The following SPATA31H1 variants were observed in gnomAD, a reference collection of about 807,000 sequenced individuals.
The protein encoded by SPATA31H1 is SPATA31 subfamily H member 1.
chr2:27,567,150 A>G, the SPATA31H1 span: 5 of 673,216 alleles, frequency 7.4e-6, no homozygotes, highest in African/African-American at 5.5e-5. Context: ...ACAAAAAAGG[A>G]AAAAAAATGA....
the SPATA31H1 span, among the ~76,000 whole-genome samples, chr2:27,559,864 T>A: frequency 3.3e-5 from 5 of 152,054 alleles, no homozygotes; most frequent in East Asian, 1.9e-4. Flanking sequence ...TTATTTATTT[T>A]TTTTCTTTTT....
the SPATA31H1 span, among the ~76,000 whole-genome samples, chr2:27,547,937 A>G: frequency 1.3e-5 from 2 of 151,624 alleles, no homozygotes; most frequent in African/African-American, 4.9e-5. Flanking sequence ...AAAATAGTTA[A>G]ACACAATACC....
At chr2:27,541,672 G>A in the SPATA31H1 span, among the ~76,000 whole-genome samples, 1 of 152,008 alleles carries the variant, frequency 6.6e-6, no homozygotes, top group Non-Finnish European at 1.5e-5. Flanking sequence ...GAACCATTGT[G>A]TTGGAAGTGC....
the SPATA31H1 span, among the ~76,000 whole-genome samples, chr2:27,544,878 C>G: frequency 6.6e-6 from 1 of 151,756 alleles, no homozygotes; most frequent in Non-Finnish European, 1.5e-5. Flanking sequence ...TGACATTATA[C>G]CATATCATGC....
chr2:27,581,573 G>C, the SPATA31H1 span: 2 of 1,465,806 alleles, frequency 1.4e-6, no homozygotes, highest in African/African-American at 2.9e-5. Flanking sequence ...GTTCCTCTGA[G>C]AGAAGACATC....
the SPATA31H1 span, among the ~76,000 whole-genome samples, chr2:27,539,907 C>T: frequency 8.0e-6 from 1 of 125,580 alleles, no homozygotes; most frequent in South Asian, 2.5e-4. Flanking sequence ...GGCGGCTGGC[C>T]GGGCGGGGGG....
At chr2:27,562,764 G>T in the SPATA31H1 span, among the ~76,000 whole-genome samples, 1 of 151,602 alleles carries the variant, frequency 6.6e-6, no homozygotes, top group Non-Finnish European at 1.5e-5. Context: ...GTGCGCACAT[G>T]TAGTCCCAGC....
At chr2:27,547,620 A>C in the SPATA31H1 span, among the ~76,000 whole-genome samples, 1 of 152,062 alleles carries the variant, frequency 6.6e-6, no homozygotes, top group South Asian at 2.1e-4. Context: ...ATTGGAGATA[A>C]CTGACATCCC....
chr2:27,550,012 A>T, the SPATA31H1 span, among the ~76,000 whole-genome samples: 87,343 of 151,544 alleles, frequency 0.58, 26,029 homozygotes, highest in East Asian at 0.85. Flanking sequence ...GATTTTTATA[A>T]ATTGACTTTC....
At chr2:27,578,117 G>C in the SPATA31H1 span, 2 of 1,614,052 alleles carry the variant, frequency 1.2e-6, no homozygotes, top group South Asian at 1.1e-5. Context: ...CTGTGAAAGT[G>C]ACCCCTGGAC....
At chr2:27,575,858 G>A in the SPATA31H1 span, 3 of 398,252 alleles carry the variant, frequency 7.5e-6, no homozygotes, top group African/African-American at 2.1e-5. This position sits in a 1 kb window ranked among gnomAD's most constrained non-coding sequence, Gnocchi z 4.1. Context: ...ACCCAGGGCC[G>A]TATTTACAAG....
the SPATA31H1 span, among the ~76,000 whole-genome samples, chr2:27,562,558 G>GAC: frequency 4.5e-4 from 66 of 146,110 alleles, no homozygotes; most frequent in African/African-American, 1.5e-3. Flanking sequence ...TCTATATACA[G>GAC]ACACACACAC....
the SPATA31H1 span, among the ~76,000 whole-genome samples, chr2:27,545,022 C>CA: frequency 1.8e-5 from 2 of 110,688 alleles, no homozygotes; most frequent in African/African-American, 8.1e-5. Context: ...TTCAAAAAGT[C>CA]AAATTTTTTT....
the SPATA31H1 span, chr2:27,576,528 TCTGTGGC>T: frequency 6.9e-7 from 1 of 1,442,984 alleles, no homozygotes; most frequent in Non-Finnish European, 9.4e-7. Context: ...ATGCGTTAAA[TCTGTGGC>T]CTTTGCATCG....
chr2:27,568,578 C>A, the SPATA31H1 span: 6 of 398,874 alleles, frequency 1.5e-5, no homozygotes, highest in South Asian at 7.6e-4. Context: ...TTCACAGTTG[C>A]AAGGTAGGAG....
the SPATA31H1 span, among the ~76,000 whole-genome samples, chr2:27,549,269 G>A: frequency 6.6e-6 from 1 of 151,746 alleles, no homozygotes; most frequent in South Asian, 2.1e-4. Flanking sequence ...TTTCATAGGT[G>A]ATGATAATCA....
chr2:27,561,244 A>G, the SPATA31H1 span, among the ~76,000 whole-genome samples: 2 of 152,074 alleles, frequency 1.3e-5, no homozygotes, highest in African/African-American at 4.8e-5. Flanking sequence ...AGGTGTGTGA[A>G]TTGCTTGAGC....
chr2:27,566,865 C>T, the SPATA31H1 span: 4 of 717,422 alleles, frequency 5.6e-6, no homozygotes, highest in African/African-American at 1.7e-5. Context: ...TTCTACTGAC[C>T]ACAGCATCTC....
chr2:27,574,313 A>T, the SPATA31H1 span: 1 of 398,416 alleles, frequency 2.5e-6, no homozygotes, highest in South Asian at 1.3e-4. Flanking sequence ...AATCTTCTGA[A>T]GTGATTCCAG....
Sources: gnomAD v4.1 joint callset for allele counts (sites outside exome capture counted in the v4.1 genomes callset) on GRCh38, gnomAD v4.1.1 for gene constraint, Gnocchi (gnomAD v3.1) non-coding constraint, MANE v1.5 for transcripts, NCBI Gene and HGNC (gene_info 2026-07-23, HGNC 2026-07-21) for gene names.